MIPOL1: variants seen among roughly 807,000 people sequenced by gnomAD.
MIPOL1 encodes the protein mirror-image polydactyly 1.
A neutral mutation model predicts 60.9 loss-of-function variants in MIPOL1; 57 were observed. The ratio of observed to expected loss-of-function variants is 0.94; its 90% confidence interval spans 0.76 to 1.17. The LOEUF (loss-of-function observed/expected upper bound fraction) is 1.17. MIPOL1 is among the 50% of genes most tolerant of loss of function. The probability of loss-of-function intolerance (pLI) is 0.00; values close to 1 mark genes in which losing one functional copy is unlikely to be tolerated. For synonymous variants in MIPOL1, 179 were observed against 168.8 expected (o/e 1.06, Z -0.47); for missense variants, 551 against 511.6 (o/e 1.08, Z -0.74).
chr14:37,224,838 AG>A (rs1969426139), intron 1 of MIPOL1, among the ~76,000 whole-genome samples: 1 of 152,224 alleles, frequency 6.6e-6, no homozygotes, highest in South Asian at 2.1e-4. Flanking sequence ...AACTGTTACA[AG>A]GAAAGTCCCT....
intron 6 of MIPOL1, among the ~76,000 whole-genome samples, chr14:37,279,023 T>G (rs2083890050): frequency 6.6e-6 from 1 of 151,588 alleles, no homozygotes. Context: ...TAACCGTGTT[T>G]AAAAATGGAG....
chr14:37,538,003 A>G (rs1286446144), intron 12 of MIPOL1, among the ~76,000 whole-genome samples: 1 of 152,156 alleles, frequency 6.6e-6, no homozygotes, highest in Non-Finnish European at 1.5e-5. Context: ...TTAATACTCT[A>G]ATTGAAATAG....
chr14:37,224,112 A>C (rs1430752190), intron 1 of MIPOL1, among the ~76,000 whole-genome samples: 1 of 152,174 alleles, frequency 6.6e-6, no homozygotes, highest in East Asian at 1.9e-4. Context: ...CTAAATATTT[A>C]TTTTATGATT....
At chr14:37,227,868 C>T (rs2153301500) in intron 1 of MIPOL1, 1 of 152,278 alleles carries the variant, frequency 6.6e-6, no homozygotes, top group East Asian at 1.9e-4. Flanking sequence ...TGTATCACAT[C>T]TGCCCACACT....
At chr14:37,209,808 A>G (rs1396012282) in intron 1 of MIPOL1, among the ~76,000 whole-genome samples, 7 of 151,916 alleles carry the variant, frequency 4.6e-5, no homozygotes, top group East Asian at 1.9e-4. Flanking sequence ...GGCTCAAGCA[A>G]TCCTCCCACC....
intron 11 of MIPOL1, among the ~76,000 whole-genome samples, chr14:37,482,837 C>G (rs1439411322): frequency 6.6e-6 from 1 of 152,146 alleles, no homozygotes; most frequent in Non-Finnish European, 1.5e-5. Flanking sequence ...CTTGTATACT[C>G]TCAGTGGGAA....
At chr14:37,516,934 G>A (rs2095373620) in intron 12 of MIPOL1, among the ~76,000 whole-genome samples, 1 of 152,026 alleles carries the variant, frequency 6.6e-6, no homozygotes, top group Non-Finnish European at 1.5e-5. Flanking sequence ...TCTTGTTTCT[G>A]CCATTTATGA....
intron 9 of MIPOL1, among the ~76,000 whole-genome samples, chr14:37,309,530 C>T (rs1468938558): frequency 2.6e-5 from 4 of 151,998 alleles, no homozygotes; most frequent in Non-Finnish European, 4.4e-5. Context: ...TCCTAAATTT[C>T]TCTACTTTAG....
intron 6 of MIPOL1, among the ~76,000 whole-genome samples, chr14:37,283,814 C>G (rs2084321430): frequency 6.6e-6 from 1 of 152,156 alleles, no homozygotes; most frequent in African/African-American, 2.4e-5. Flanking sequence ...GAAATTAACA[C>G]AAACAAGCTT....
chr14:37,479,342 A>G (rs2094825991), intron 11 of MIPOL1, among the ~76,000 whole-genome samples: 1 of 152,176 alleles, frequency 6.6e-6, no homozygotes, highest in Admixed American at 6.6e-5. Context: ...AATCATATCA[A>G]GTATTTTTTT....
chr14:37,200,998 G>T (rs1965243589), intron 1 of MIPOL1, among the ~76,000 whole-genome samples: 1 of 150,278 alleles, frequency 6.7e-6, no homozygotes, highest in Non-Finnish European at 1.5e-5. Context: ...TGCCTCCTGG[G>T]CTGAAGTGAT....
chr14:37,314,791 C>G (rs1237432586), intron 9 of MIPOL1, among the ~76,000 whole-genome samples: 3 of 152,078 alleles, frequency 2.0e-5, no homozygotes, highest in Non-Finnish European at 2.9e-5. Flanking sequence ...ATCACAGTCC[C>G]TTGGATGTGA....
intron 11 of MIPOL1, among the ~76,000 whole-genome samples, chr14:37,440,990 A>G (rs1002879283): frequency 2.0e-5 from 3 of 152,078 alleles, no homozygotes; most frequent in Non-Finnish European, 2.9e-5. Context: ...TGAAATTTTA[A>G]TTTGCATTTC....
chr14:37,440,493 T>C (rs1341387618), intron 11 of MIPOL1, among the ~76,000 whole-genome samples: 2 of 152,176 alleles, frequency 1.3e-5, no homozygotes, highest in African/African-American at 4.8e-5. Flanking sequence ...GTACACATTT[T>C]TTAGCACCCA....
At chr14:37,249,934 C>A (rs975508678) in intron 3 of MIPOL1, among the ~76,000 whole-genome samples, 2 of 151,886 alleles carry the variant, frequency 1.3e-5, no homozygotes, top group Non-Finnish European at 2.9e-5. Context: ...TTTAAGGAGT[C>A]AAAGGAGTTA....
intron 11 of MIPOL1, among the ~76,000 whole-genome samples, chr14:37,437,583 C>G (rs905216822): frequency 6.6e-6 from 1 of 152,010 alleles, no homozygotes; most frequent in Admixed American, 6.6e-5. Flanking sequence ...CTTTTGTTTT[C>G]CATTCATTCT....
At chr14:37,296,382 A>G (rs2085682627) in intron 7 of MIPOL1, among the ~76,000 whole-genome samples, 2 of 152,196 alleles carry the variant, frequency 1.3e-5, no homozygotes, top group Non-Finnish European at 2.9e-5. Context: ...CCCTAACATC[A>G]CAATTAAAAG....
intron 10 of MIPOL1, among the ~76,000 whole-genome samples, chr14:37,419,278 T>C (rs2093826665): frequency 6.6e-6 from 1 of 152,220 alleles, no homozygotes; most frequent in Non-Finnish European, 1.5e-5. Context: ...TCTATTTATA[T>C]GACATTCTTA....
At chr14:37,368,657 T>C (rs2153494605) in intron 9 of MIPOL1, among the ~76,000 whole-genome samples, 1 of 152,192 alleles carries the variant, frequency 6.6e-6, no homozygotes, top group Non-Finnish European at 1.5e-5. Context: ...GTGTGTTTAG[T>C]ACTTTATTTC....
Sources: gnomAD v4.1 joint callset for allele counts (sites outside exome capture counted in the v4.1 genomes callset) on GRCh38, gnomAD v4.1.1 for gene constraint, MANE v1.5 for transcripts, NCBI Gene and HGNC (gene_info 2026-07-23, HGNC 2026-07-21) for gene names.